The following AMMECR1 variants were observed in gnomAD, a reference collection of about 807,000 sequenced individuals.
AMMECR1 encodes AMMECR nuclear protein 1.
Under a neutral mutation model 22.5 loss-of-function variants are expected in AMMECR1, and 3 were observed. The ratio of observed to expected loss-of-function variants is 0.13; its 90% CI spans 0.06 to 0.35. The LOEUF (loss-of-function observed/expected upper bound fraction) is 0.35. AMMECR1 is among the 10% of genes least tolerant of loss of function. The pLI is 1.00. For missense variants in AMMECR1, 235 were observed against 278.7 expected, an observed-to-expected ratio of 0.84 and a Z score of 1.12; for synonymous variants, 130 against 116.7, an observed-to-expected ratio of 1.11 and a Z score of -0.74.
At chrX:110,214,804 T>TC (rs1366103599) in intron 3 of AMMECR1, among the ~76,000 whole-genome samples, 1 of 111,199 alleles carries the variant, frequency 9.0e-6, no homozygotes, top group Non-Finnish European at 1.9e-5. Context: ...AGCTTGGTCA[T>TC]CCCCCTTGGA....
intron 2 of AMMECR1, among the ~76,000 whole-genome samples, chrX:110,394,465 C>T (rs1189814518): frequency 8.0e-5 from 9 of 112,135 alleles, no homozygotes; most frequent in African/African-American, 2.9e-4. Context: ...GTTGCCCAGG[C>T]TGGTATTTGG....
intron 2 of AMMECR1, among the ~76,000 whole-genome samples, chrX:110,409,960 AG>A (rs1368647896): frequency 1.8e-5 from 2 of 112,234 alleles, no homozygotes; most frequent in Non-Finnish European, 3.8e-5. Flanking sequence ...GTTGAAATAC[AG>A]ATGCAGTGTG....
intron 1 of AMMECR1, among the ~76,000 whole-genome samples, chrX:110,281,517 G>A (rs2067852261): frequency 1.8e-5 from 2 of 112,258 alleles, no homozygotes; most frequent in South Asian, 7.4e-4. Context: ...TTTGTTGTGA[G>A]ACTGTTTCTC....
intron 2 of AMMECR1, among the ~76,000 whole-genome samples, chrX:110,333,345 G>C (rs2148235228): frequency 8.9e-6 from 1 of 111,944 alleles, no homozygotes; most frequent in South Asian, 3.8e-4. Context: ...ATGCTGGAGA[G>C]GATGTGGAGA....
intron 2 of AMMECR1, among the ~76,000 whole-genome samples, chrX:110,341,152 T>C (rs1324819756): frequency 1.8e-5 from 2 of 112,759 alleles, no homozygotes; most frequent in Non-Finnish European, 3.7e-5. Flanking sequence ...TATTGACTAC[T>C]GAACAATATT....
At chrX:110,438,243 T>G (rs1048279187) in intron 1 of AMMECR1, among the ~76,000 whole-genome samples, 5 of 111,449 alleles carry the variant, frequency 4.5e-5, no homozygotes, top group Non-Finnish European at 7.5e-5. Flanking sequence ...GGTTGGCATT[T>G]TAACTGATGC....
Position 110,378,165 on chromosome X carries a change from G to C in AMMECR1, c.-148+48493C>G, listed in dbSNP as rs941518685. 6.3e-5 allele frequency among the ~76,000 whole-genome samples: 7 copies of C among 111,658 alleles called. No homozygotes were observed. In the South Asian group the frequency reaches 2.6e-3, roughly 42 times the overall value. On this transcript the variant is annotated intron_variant, in intron 2 of 7. Coordinates refer to the AMMECR1 transcript ENST00000372057. ...CCCATTTTTTTGGCTACAAGGCTCA[G>C]CTTTGGGGCTGTAAATGTGAAATAT...
At chrX:110,410,736 G>C (rs757187550) in intron 2 of AMMECR1, among the ~76,000 whole-genome samples, 1 of 111,443 alleles carries the variant, frequency 9.0e-6, no homozygotes, top group South Asian at 3.8e-4. Context: ...AGCTGCGTTG[G>C]TGGTGATGTA....
chrX:110,409,065 G>A (rs958883881), intron 2 of AMMECR1, among the ~76,000 whole-genome samples: 6 of 111,647 alleles, frequency 5.4e-5, no homozygotes, highest in Admixed American at 1.9e-4. Context: ...TTTTGCTTCC[G>A]TTTGGCCTAA....
intron 2 of AMMECR1, among the ~76,000 whole-genome samples, chrX:110,223,472 G>A (rs1390077772): frequency 8.9e-6 from 1 of 111,909 alleles, no homozygotes; most frequent in Non-Finnish European, 1.9e-5. Context: ...AAATGTGTGG[G>A]TTTGGAAAAG....
At chrX:110,420,546 G>A (rs2068709594) in intron 2 of AMMECR1, among the ~76,000 whole-genome samples, 1 of 111,938 alleles carries the variant, frequency 8.9e-6, no homozygotes, top group South Asian at 3.8e-4. Flanking sequence ...GATCCAGAAG[G>A]TTTCATTTTG....
intron 1 of AMMECR1, among the ~76,000 whole-genome samples, chrX:110,306,464 T>C (rs765774116): frequency 6.4e-5 from 7 of 109,891 alleles, no homozygotes; most frequent in Admixed American, 3.9e-4. Flanking sequence ...ATTTTTTTTA[T>C]TTTTTATTTT....
At chrX:110,306,414 G>A (rs1413509124) in intron 1 of AMMECR1, among the ~76,000 whole-genome samples, 1 of 111,884 alleles carries the variant, frequency 8.9e-6, no homozygotes, top group Non-Finnish European at 1.9e-5. Context: ...CCTAAATTAG[G>A]CTCTCTTGTA....
chrX:110,400,490 C>T (rs1019816422), intron 2 of AMMECR1, among the ~76,000 whole-genome samples: 3 of 110,332 alleles, frequency 2.7e-5, no homozygotes, highest in African/African-American at 9.9e-5. Context: ...CTCAGTAATA[C>T]CCTACCTCTT....
chrX:110,306,159 C>T (rs1400141563), intron 1 of AMMECR1, among the ~76,000 whole-genome samples: 1 of 106,645 alleles, frequency 9.4e-6, no homozygotes, highest in East Asian at 3.0e-4. Flanking sequence ...GGCTTGGTGG[C>T]GGGCACCTGT....
intron 2 of AMMECR1, among the ~76,000 whole-genome samples, chrX:110,402,970 G>A (rs1028111571): frequency 1.2e-4 from 13 of 112,088 alleles, no homozygotes; most frequent in Admixed American, 2.8e-4. Flanking sequence ...TAGCCCCTAC[G>A]TGAAGCTGCT....
At chrX:110,290,228 C>G (rs926769887) in intron 1 of AMMECR1, among the ~76,000 whole-genome samples, 16 of 111,926 alleles carry the variant, frequency 1.4e-4, no homozygotes, top group African/African-American at 4.5e-4. Flanking sequence ...AAGCAATTCT[C>G]ACTTGATGAT....
At chrX:110,389,998 G>A (rs757134822) in intron 2 of AMMECR1, among the ~76,000 whole-genome samples, 5 of 111,876 alleles carry the variant, frequency 4.5e-5, no homozygotes, top group Non-Finnish European at 7.5e-5. Context: ...AGTGTGTGAA[G>A]TGTGTTTGTC....
chrX:110,313,579 C>G (rs1326036772), intron 1 of AMMECR1, among the ~76,000 whole-genome samples: 3 of 112,043 alleles, frequency 2.7e-5, no homozygotes, highest in African/African-American at 9.7e-5. Flanking sequence ...ATCATAAGAG[C>G]ATTTTATGGG....
Sources: gnomAD v4.1 joint callset for allele counts (sites outside exome capture counted in the v4.1 genomes callset) on GRCh38, gnomAD v4.1.1 for gene constraint, MANE v1.5 for transcripts, NCBI Gene and HGNC (gene_info 2026-07-23, HGNC 2026-07-21) for gene names.